The following LBP variants were observed in gnomAD, a reference collection of about 807,000 sequenced individuals.
LBP encodes lipopolysaccharide-binding protein.
Under a neutral mutation model 56.6 loss-of-function variants are expected in LBP, and 53 were observed. The ratio of observed to expected loss-of-function variants is 0.94; its 90% CI spans 0.75 to 1.18. LBP has a LOEUF of 1.18. Ranked by LOEUF, LBP falls within the 50% of genes most tolerant of loss-of-function variation. The pLI is 0.00. For synonymous variants in LBP, 227 were observed against 247.5 expected, an observed-to-expected ratio of 0.92 and a Z score of 0.78; for missense variants, 601 against 598.3, an observed-to-expected ratio of 1.00 and a Z score of -0.05.
intron 6 of LBP, among the ~76,000 whole-genome samples, chr20:38,362,449 C>A (rs978584145): frequency 6.7e-6 from 1 of 150,348 alleles, no homozygotes; most frequent in African/African-American, 2.4e-5. Context: ...CCCGTCTCTA[C>A]TAAAAATACA....
intron 1 of LBP, among the ~76,000 whole-genome samples, chr20:38,348,547 C>T (rs2076808859): frequency 6.6e-6 from 1 of 152,086 alleles, no homozygotes; most frequent in South Asian, 2.1e-4. Flanking sequence ...ATCCACCCGC[C>T]TCGGCCTCCC....
At chr20:38,364,531 C>T (rs530514324) in intron 7 of LBP, 45 bp from the exon 8 acceptor site, 57 of 1,597,414 alleles carry the variant, frequency 3.6e-5, no homozygotes, top group African/African-American at 4.0e-5. Flanking sequence ...CCCTGCCCCA[C>T]GATAGGCTTT....
chr20:38,365,891 G>T (rs777950614), intron 8 of LBP, among the ~76,000 whole-genome samples: 1 of 151,756 alleles, frequency 6.6e-6, no homozygotes, highest in Admixed American at 6.6e-5. Context: ...CAAACCTGTC[G>T]GGGAGCTTCC....
At chr20:38,354,221 C>T in intron 3 of LBP, 63 bp from the exon 4 acceptor site, 1 of 1,437,012 alleles carries the variant, frequency 7.0e-7, no homozygotes, top group Non-Finnish European at 9.5e-7. Context: ...CTTCTATTTT[C>T]CCCACAAATG....
intron 5 of LBP, 31 bp downstream of exon 5, chr20:38,355,440 G>C: frequency 6.3e-7 from 1 of 1,594,402 alleles, no homozygotes. Flanking sequence ...GGCCTCCCCC[G>C]AGCTTGGCGA....
intron 4 of LBP, among the ~76,000 whole-genome samples, chr20:38,354,980 G>C (rs953682215): frequency 6.6e-6 from 1 of 152,236 alleles, no homozygotes; most frequent in Non-Finnish European, 1.5e-5. Flanking sequence ...TACTTCAGGG[G>C]CTGAGTTGGG....
At chr20:38,354,515 C>T (rs2076831962) in intron 4 of LBP, 76 bp downstream of exon 4, 1 of 1,358,450 alleles carries the variant, frequency 7.4e-7, no homozygotes, top group Non-Finnish European at 1.0e-6. Context: ...AGCCTGGCCT[C>T]CGATAATTGC....
At chr20:38,363,787 T>C (rs1445785637) in intron 6 of LBP, among the ~76,000 whole-genome samples, 188 bp from the exon 7 acceptor site, 1 of 152,106 alleles carries the variant, frequency 6.6e-6, no homozygotes, top group Non-Finnish European at 1.5e-5. Flanking sequence ...ACCCCCACCA[T>C]TGTTAACTCA....
chr20:38,361,946 G>T (rs1207649632), intron 6 of LBP, among the ~76,000 whole-genome samples: 2 of 151,902 alleles, frequency 1.3e-5, no homozygotes, highest in Non-Finnish European at 2.9e-5. Context: ...AATGGAATCA[G>T]ACAATATTTT....
chr20:38,364,485 C>A (rs778095357), intron 7 of LBP, 91 bp from the exon 8 acceptor site: 23 of 1,179,306 alleles, frequency 2.0e-5, no homozygotes, highest in Middle Eastern at 2.7e-4. Context: ...TTCCAGCCAG[C>A]GTCCCTTCAT....
intron 12 of LBP, among the ~76,000 whole-genome samples, 158 bp downstream of exon 12, chr20:38,371,480 G>A (rs2076900698): frequency 6.6e-6 from 1 of 152,134 alleles, no homozygotes; most frequent in South Asian, 2.1e-4. Context: ...AAGACATAGG[G>A]CCAAGGAACA....
intron 3 of LBP, among the ~76,000 whole-genome samples, chr20:38,351,468 G>A (rs753435614): frequency 1.3e-5 from 2 of 152,100 alleles, no homozygotes; most frequent in Non-Finnish European, 1.5e-5. Flanking sequence ...GCTTCCAGGG[G>A]CTCTGGCTCT....
At chr20:38,355,554 C>G (rs1215680952) in intron 5 of LBP, 145 bp downstream of exon 5, 1 of 739,294 alleles carries the variant, frequency 1.4e-6, no homozygotes, top group Non-Finnish European at 2.3e-6. Context: ...ATCATTTGCC[C>G]AGGTCATGGA....
In LBP at chr20:38,364,793, AC is replaced by A. The variant is rs765349832; in HGVS notation, c.921+43del. ...AACAGGTCTCTCAAATGAACACATAACCTACCGCTCCTTCCTTCTTTCCTTT... is the reference window on the plus strand; with the variant it reads ...AACAGGTCTCTCAAATGAACACATAACTACCGCTCCTTCCTTCTTTCCTTT... On this transcript the variant is annotated intron_variant, in intron 8 of 14. Transcript: ENST00000217407. 3 of 1,540,868 alleles carry A rather than the reference AC, an allele frequency of 1.9e-6. No homozygotes were observed. In the East Asian group the frequency reaches 6.8e-5, roughly 35 times the overall value.
intron 2 of LBP, 80 bp downstream of exon 2, chr20:38,349,742 G>C: frequency 1.9e-6 from 2 of 1,058,458 alleles, no homozygotes; most frequent in Non-Finnish European, 2.8e-6. Context: ...GGAAGAGAGA[G>C]CCTCAGGATT....
At chr20:38,367,978 G>A (rs1170966828) in intron 9 of LBP, among the ~76,000 whole-genome samples, 1 of 151,874 alleles carries the variant, frequency 6.6e-6, no homozygotes, top group Non-Finnish European at 1.5e-5. Context: ...GGTAGCTTGA[G>A]GCCAGGAGTT....
intron 11 of LBP, 45 bp downstream of exon 11, chr20:38,370,850 A>G: frequency 6.8e-7 from 1 of 1,462,240 alleles, no homozygotes; most frequent in Non-Finnish European, 9.6e-7. Context: ...GCTGGACTCC[A>G]TCTGTATGCT....
Position 38,353,487 on chromosome 20 carries a change from T to C in LBP, c.369-797T>C, listed in dbSNP as rs1030671766. ...GACATGTAGGCTGCTTCCTTTTTTT[T>C]TTTTTTTTTTTTTTTTTTTTGCTAC... On this transcript the variant is annotated intron_variant, in intron 3 of 14. Coordinates refer to ENST00000217407, the MANE Select transcript of LBP (RefSeq NM_004139.5). Among the ~76,000 whole-genome samples, 124 of 142,582 alleles carry C rather than the reference T, an allele frequency of 8.7e-4. 2 individuals carry two copies. Among genetic ancestry groups the C allele is most frequent in the African/African-American group, 3.0e-3 (116 of 38,360 alleles). The allele number at this position is 142,582 out of a possible 152,430, so 93.5% of individuals were successfully genotyped here.
chr20:38,375,272 T>C (rs2083951902), intron 14 of LBP, among the ~76,000 whole-genome samples: 2 of 152,032 alleles, frequency 1.3e-5, no homozygotes, highest in African/African-American at 4.8e-5. Flanking sequence ...TTCCCTTTTT[T>C]TTTAAAACTT....
Sources: allele counts gnomAD v4.1 joint callset (sites outside exome capture counted in the v4.1 genomes callset), GRCh38; gene constraint gnomAD v4.1.1; transcripts MANE v1.5; gene names NCBI Gene and HGNC (gene_info 2026-07-23, HGNC 2026-07-21).